BNC2: variants seen among roughly 807,000 people sequenced by gnomAD.
The protein encoded by BNC2 is basonuclin zinc finger protein 2.
In BNC2, 20 loss-of-function variants were observed where a neutral mutation model predicts 76.3. That is an observed-to-expected ratio of 0.26 (90% CI 0.18 to 0.38). The LOEUF (loss-of-function observed/expected upper bound fraction) is 0.38. BNC2 is among the 10% of genes least tolerant of loss of function. The pLI, the probability that BNC2 is intolerant of heterozygous loss-of-function variation, is 1.00. For missense variants in BNC2, 1,382 were observed against 1,399.8 expected (o/e 0.99, Z 0.20); for synonymous variants, 582 against 514.8 (o/e 1.13, Z -1.77).
chr9:16,578,888 A>C (rs1278089369), intron 4 of BNC2, among the ~76,000 whole-genome samples: 1 of 152,204 alleles, frequency 6.6e-6, no homozygotes, highest in Admixed American at 6.5e-5. Flanking sequence ...GTGGCAGTAA[A>C]CTGGAGTCCT....
intron 3 of BNC2, among the ~76,000 whole-genome samples, chr9:16,657,273 G>C (rs2134006549): frequency 1.3e-5 from 2 of 152,248 alleles, no homozygotes; most frequent in Middle Eastern, 6.8e-3. Context: ...AGATGAACTA[G>C]AAAACAAGGA....
At chr9:16,687,581 T>C (rs79827981) in intron 3 of BNC2, among the ~76,000 whole-genome samples, 3,792 of 152,084 alleles carry the variant, frequency 0.025, 64 homozygotes, top group South Asian at 0.081. Flanking sequence ...CTGAGAATAT[T>C]CCAAATCAAA....
chr9:16,616,793 A>AAGGAAGGG (rs1293604120), intron 3 of BNC2, among the ~76,000 whole-genome samples: 1 of 140,868 alleles, frequency 7.1e-6, no homozygotes, highest in Non-Finnish European at 1.6e-5. Flanking sequence ...GGAAGGAGGG[A>AAGGAAGGG]AGGAAGGAAG....
chr9:16,679,620 CTTCT>C (rs1822762812), intron 3 of BNC2, among the ~76,000 whole-genome samples: 1 of 152,214 alleles, frequency 6.6e-6, no homozygotes, highest in Non-Finnish European at 1.5e-5. Context: ...AAGCCACTCT[CTTCT>C]TTGACGGCTG....
chr9:16,761,765 C>A (rs1044515587), intron 1 of BNC2, among the ~76,000 whole-genome samples: 2 of 152,092 alleles, frequency 1.3e-5, no homozygotes, highest in African/African-American at 4.8e-5. Flanking sequence ...TTTTGATGAA[C>A]AGAAATAACT....
chr9:16,748,922 CTATATATA>C (rs34314862), intron 1 of BNC2, among the ~76,000 whole-genome samples: 30,372 of 130,462 alleles, frequency 0.23, 4,525 homozygotes, highest in East Asian at 0.75. Context: ...ACTTTTTATA[CTATATATA>C]TATATATATA....
intron 3 of BNC2, among the ~76,000 whole-genome samples, chr9:16,684,762 ATAT>A (rs1822926969): frequency 6.6e-6 from 1 of 152,144 alleles, no homozygotes; most frequent in African/African-American, 2.4e-5. Flanking sequence ...CATTCCTTAA[ATAT>A]TATTATGTAC....
intron 1 of BNC2, among the ~76,000 whole-genome samples, chr9:16,808,469 T>A (rs981147434): frequency 5.4e-5 from 8 of 147,320 alleles, no homozygotes; most frequent in African/African-American, 2.0e-4. Context: ...AGTTGTGTGA[T>A]CTTGGGCAAC....
chr9:16,833,269 C>G (rs575534651), intron 1 of BNC2, among the ~76,000 whole-genome samples: 1 of 152,216 alleles, frequency 6.6e-6, no homozygotes, highest in South Asian at 2.1e-4. Context: ...CAAAGAGGAC[C>G]AAGATTAACA....
chr9:16,500,584 G>T (rs191101749), intron 5 of BNC2, among the ~76,000 whole-genome samples: 1 of 152,162 alleles, frequency 6.6e-6, no homozygotes, highest in Non-Finnish European at 1.5e-5. Flanking sequence ...TGCCCATACA[G>T]TCATAAATGC....
Position 16,646,862 on chromosome 9 carries a change from T to C in BNC2, c.331-63777A>G, listed in dbSNP as rs139603398. Among the ~76,000 whole-genome samples, 14 of 152,270 alleles carry C rather than the reference T, an allele frequency of 9.2e-5. No homozygotes were observed. The East Asian group carries it at 2.1e-3, about 23-fold the overall frequency. ...AGATATTGTAACAGCTGGGAATCCA[T>C]AGAGGGTCTACTGGGATGTCATCCA... is the stretch of plus-strand genomic sequence containing the variant. On this transcript the variant is annotated intron_variant, in intron 3 of 6. Coordinates refer to ENST00000380672, the MANE Select transcript of BNC2 (RefSeq NM_017637.6).
chr9:16,760,389 T>A (rs1825518794), intron 1 of BNC2, among the ~76,000 whole-genome samples: 1 of 152,194 alleles, frequency 6.6e-6, no homozygotes, highest in South Asian at 2.1e-4. Context: ...ATTTAGATAT[T>A]ACAACGGTTT....
Position 16,727,788 on chromosome 9 carries a change from G to C in BNC2, c.330+9C>G. 6.2e-7 allele frequency: 1 copy of C among 1,605,756 alleles called. No homozygotes were observed. The highest frequency in any genetic ancestry group is 1.3e-5 in the African/African-American group (1 of 74,510). On this transcript the variant is annotated intron_variant, in intron 3 of 6. Coordinates refer to ENST00000380672, the MANE Select transcript of BNC2 (RefSeq NM_017637.6). ...AAGAAAAAAAAAATCAAGAAAGAAA[G>C]TAACTTACCTGTTGGGACATTCTGA...
intron 5 of BNC2, among the ~76,000 whole-genome samples, chr9:16,542,983 A>G (rs1032960786): frequency 6.6e-6 from 1 of 152,160 alleles, no homozygotes; most frequent in African/African-American, 2.4e-5. Flanking sequence ...TCTTCATTAT[A>G]GTCACAGAGG....
chr9:16,492,022 T>C (rs774635831), intron 5 of BNC2, among the ~76,000 whole-genome samples: 1 of 152,174 alleles, frequency 6.6e-6, no homozygotes, highest in Non-Finnish European at 1.5e-5. Context: ...ACAAATACGA[T>C]TTTATCATTT....
At chr9:16,659,216 G>C (rs541056669) in intron 3 of BNC2, among the ~76,000 whole-genome samples, 10 of 152,232 alleles carry the variant, frequency 6.6e-5, no homozygotes, top group African/African-American at 2.2e-4. Context: ...TAGTATTACA[G>C]TCAAATTCTA....
At chr9:16,869,994 C>G (rs1819636960) in intron 1 of BNC2, among the ~76,000 whole-genome samples, 1 of 152,184 alleles carries the variant, frequency 6.6e-6, no homozygotes, top group South Asian at 2.1e-4. Context: ...CGAAAAGAGC[C>G]GTCTCTGCAA....
intron 5 of BNC2, among the ~76,000 whole-genome samples, chr9:16,444,449 C>T (rs1194517715): frequency 6.6e-6 from 1 of 151,934 alleles, no homozygotes; most frequent in East Asian, 1.9e-4. Flanking sequence ...TTGCCTACAC[C>T]TGCCGGTGTG....
intron 3 of BNC2, among the ~76,000 whole-genome samples, chr9:16,709,563 C>T (rs550735470): frequency 1.3e-5 from 2 of 151,988 alleles, no homozygotes; most frequent in Non-Finnish European, 2.9e-5. Context: ...GATGCCAGCC[C>T]AGCATTCAGG....
Sources: gnomAD v4.1 joint callset for allele counts (sites outside exome capture counted in the v4.1 genomes callset) on GRCh38, gnomAD v4.1.1 for gene constraint, MANE v1.5 for transcripts, NCBI Gene and HGNC (gene_info 2026-07-23, HGNC 2026-07-21) for gene names.